Variants in RPS6KC1 observed in about 807,000 individuals in gnomAD.
RPS6KC1 encodes the protein ribosomal protein S6 kinase C1.
RPS6KC1 carries 54 observed loss-of-function variants against 103.8 expected under a neutral mutation model. That is an observed-to-expected ratio of 0.52 (90% CI 0.42 to 0.65). RPS6KC1 has a LOEUF of 0.65. Ranked by LOEUF, RPS6KC1 falls within the 30% of genes least tolerant of loss-of-function variation. The pLI is 0.00. For missense variants in RPS6KC1, 1,151 were observed against 1,253.8 expected (o/e 0.92, Z 1.24); for synonymous variants, 439 against 438.7 (o/e 1.00, Z -0.01).
chr1:213,202,203 A>G lies in RPS6KC1; in HGVS notation c.1044+25711A>G, dbSNP rs543320349. Among the ~76,000 whole-genome samples the G allele has an allele frequency of 1.6e-4, 24 of 152,186 alleles. 1 individual carries two copies. In the South Asian group the frequency reaches 3.5e-3, roughly 22 times the overall value. On this transcript the variant is annotated intron_variant, in intron 8 of 14. Coordinates refer to ENST00000366960, the MANE Select transcript of RPS6KC1 (RefSeq NM_012424.6). The stretch of plus-strand genomic sequence containing the variant: ...GAACTGAATTTCTTTGATTATTATA[A>G]CATTTATATTCCTTCTCAACTTACT...
chr1:213,562,262 T>TGAA, the RPS6KC1 span, among the ~76,000 whole-genome samples: 1 of 152,104 alleles, frequency 6.6e-6, no homozygotes, highest in Non-Finnish European at 1.5e-5. Flanking sequence ...GTTTTGGTAT[T>TGAA]GAAATTTGCT....
At chr1:213,107,779 C>T (rs1160675108) in intron 4 of RPS6KC1, among the ~76,000 whole-genome samples, 2 of 152,212 alleles carry the variant, frequency 1.3e-5, no homozygotes, top group African/African-American at 4.8e-5. Context: ...AGTTGTTCCA[C>T]AACCTCACCA....
intron 1 of RPS6KC1, among the ~76,000 whole-genome samples, chr1:213,070,419 A>G (rs891957085): frequency 3.9e-5 from 6 of 152,166 alleles, no homozygotes; most frequent in African/African-American, 1.4e-4. Flanking sequence ...TTTTTTGCTT[A>G]ATTTTTAGTA....
the RPS6KC1 span, among the ~76,000 whole-genome samples, chr1:213,362,425 A>T: frequency 6.6e-6 from 1 of 152,154 alleles, no homozygotes; most frequent in Non-Finnish European, 1.5e-5. Flanking sequence ...CTTATATCTC[A>T]TTAATTCTAT....
At chr1:213,625,437 T>TC in the RPS6KC1 span, among the ~76,000 whole-genome samples, 1 of 151,792 alleles carries the variant, frequency 6.6e-6, no homozygotes, top group African/African-American at 2.4e-5. Flanking sequence ...GGGCTCTTTT[T>TC]TTTTATTATA....
the RPS6KC1 span, among the ~76,000 whole-genome samples, chr1:213,571,497 G>T: frequency 6.6e-6 from 1 of 152,150 alleles, no homozygotes; most frequent in Non-Finnish European, 1.5e-5. Context: ...GGCATGGATG[G>T]GGAAGGATAG....
chr1:213,164,172 T>A (rs1475745028), intron 6 of RPS6KC1, among the ~76,000 whole-genome samples: 8 of 152,214 alleles, frequency 5.3e-5, no homozygotes, highest in Admixed American at 5.2e-4. Flanking sequence ...AGAAGAGATA[T>A]ATTTCTTATA....
chr1:213,793,767 C>A, the RPS6KC1 span, among the ~76,000 whole-genome samples: 5 of 152,200 alleles, frequency 3.3e-5, no homozygotes, highest in South Asian at 1.0e-3. Flanking sequence ...CTCATGAACA[C>A]TTTTCTGTCT....
chr1:213,326,910 G>T, the RPS6KC1 span, among the ~76,000 whole-genome samples: 2 of 151,926 alleles, frequency 1.3e-5, no homozygotes, highest in Non-Finnish European at 2.9e-5. Flanking sequence ...TCTTTGTCAG[G>T]TTTTACCATT....
chr1:213,851,655 G>A, the RPS6KC1 span, among the ~76,000 whole-genome samples: 10 of 152,200 alleles, frequency 6.6e-5, no homozygotes, highest in African/African-American at 9.6e-5. Context: ...ATCTCACACT[G>A]TCTACTGGAC....
chr1:213,278,769 A>AT (rs1283629557), downstream of RPS6KC1, among the ~76,000 whole-genome samples: 7 of 152,228 alleles, frequency 4.6e-5, 1 homozygote, highest in Non-Finnish European at 8.8e-5. Flanking sequence ...CAAGTGTTAT[A>AT]AAGTACAACT....
At chr1:213,420,570 G>C in the RPS6KC1 span, among the ~76,000 whole-genome samples, 1 of 152,254 alleles carries the variant, frequency 6.6e-6, no homozygotes, top group Non-Finnish European at 1.5e-5. Flanking sequence ...AGTGTGAGTA[G>C]GAGTGGGTGT....
At chr1:213,658,025 C>T in the RPS6KC1 span, among the ~76,000 whole-genome samples, 5 of 152,140 alleles carry the variant, frequency 3.3e-5, no homozygotes, top group African/African-American at 7.2e-5. Context: ...ATAGAGGCTC[C>T]GGAGGTCATT....
the RPS6KC1 span, among the ~76,000 whole-genome samples, chr1:213,531,500 A>G: frequency 1.1e-4 from 16 of 152,202 alleles, no homozygotes; most frequent in Non-Finnish European, 7.3e-5. Context: ...AGCCTACGGC[A>G]CAGGTAAGGT....
At chr1:213,280,184 G>A in the RPS6KC1 span, among the ~76,000 whole-genome samples, 1 of 152,178 alleles carries the variant, frequency 6.6e-6, no homozygotes, top group African/African-American at 2.4e-5. Context: ...AAAAGACAAG[G>A]GGATCAGGCA....
chr1:213,301,472 A>G, the RPS6KC1 span, among the ~76,000 whole-genome samples: 1 of 152,220 alleles, frequency 6.6e-6, no homozygotes, highest in Non-Finnish European at 1.5e-5. Flanking sequence ...CTGGGGATGC[A>G]GTGATAAACA....
chr1:213,652,054 G>A, the RPS6KC1 span, among the ~76,000 whole-genome samples: 19 of 152,102 alleles, frequency 1.2e-4, no homozygotes, highest in African/African-American at 4.6e-4. Flanking sequence ...TGTGCTATTT[G>A]TGTAAATTAG....
At chr1:213,363,700 T>C in the RPS6KC1 span, among the ~76,000 whole-genome samples, 491 of 83,120 alleles carry the variant, frequency 5.9e-3, 47 homozygotes, top group African/African-American at 0.018. Flanking sequence ...CTTTCTTTCT[T>C]TCCTTCTTTC....
intron 3 of RPS6KC1, among the ~76,000 whole-genome samples, chr1:213,080,653 C>T (rs1349130518): frequency 2.6e-5 from 4 of 152,184 alleles, no homozygotes; most frequent in African/African-American, 9.7e-5. Context: ...CAGCCTCCAT[C>T]TCCTGGGCTC....
Sources: allele counts gnomAD v4.1 joint callset (sites outside exome capture counted in the v4.1 genomes callset), GRCh38; gene constraint gnomAD v4.1.1; transcripts MANE v1.5; gene names NCBI Gene and HGNC (gene_info 2026-07-23, HGNC 2026-07-21).